TET3: variants seen among roughly 807,000 people sequenced by gnomAD.
TET3 encodes the protein tet methylcytosine dioxygenase 3.
A neutral mutation model predicts 141.4 loss-of-function variants in TET3; 19 were observed. The ratio of observed to expected loss-of-function variants is 0.13; its 90% CI spans 0.09 to 0.20. TET3 has a LOEUF of 0.20. Ranked by LOEUF, TET3 falls within the 10% of genes least tolerant of loss-of-function variation. The probability of loss-of-function intolerance (pLI) is 1.00; values close to 1 mark genes in which losing one functional copy is unlikely to be tolerated. For synonymous variants in TET3, 1,043 were observed against 980.9 expected, an observed-to-expected ratio of 1.06 and a Z score of -1.18; for missense variants, 1,874 against 2,356.9, an observed-to-expected ratio of 0.80 and a Z score of 4.24.
the TET3 span, among the ~76,000 whole-genome samples, chr2:74,122,677 CT>C: frequency 0.094 from 3,966 of 42,392 alleles, 149 homozygotes; most frequent in East Asian, 0.22. Context: ...CTACACCTAG[CT>C]TTTTTTTTTT....
At chr2:73,997,584 T>A (rs544067099) in intron 2 of TET3, among the ~76,000 whole-genome samples, 1 of 152,228 alleles carries the variant, frequency 6.6e-6, no homozygotes, top group East Asian at 1.9e-4. Context: ...TCCTGGTGTA[T>A]CCTGGGTCCC....
At chr2:74,053,374 G>A (rs1260333122) in intron 4 of TET3, among the ~76,000 whole-genome samples, 2 of 152,192 alleles carry the variant, frequency 1.3e-5, no homozygotes, top group Non-Finnish European at 2.9e-5. Flanking sequence ...AGCCAGTTTA[G>A]GACGGAGAAT....
At chr2:74,038,668 C>T (rs1037837826) in intron 3 of TET3, among the ~76,000 whole-genome samples, 1 of 152,162 alleles carries the variant, frequency 6.6e-6, no homozygotes, top group African/African-American at 2.4e-5. Flanking sequence ...GGTGATGAGG[C>T]TTGCACCAGC....
chr2:74,047,405 T>C lies in TET3; in HGVS notation c.1488T>C (p.Ser496=), dbSNP rs1687691861. The change falls in exon 4 of 12, where the codon TCT becomes TCC. Residue 496 remains serine (S), a synonymous_variant. Transcript: ENST00000409262. The part of the protein sequence containing the change: ...TKPKVKVEAP[S]SSPAPAPSPV... ...CCAAGGTCAAGGTGGAGGCACCCTC[T>C]TCCTCCCCGGCCCCGGCCCCATCCC... The C allele has an allele frequency of 1.2e-6, 2 of 1,613,314 alleles. No individual in the cohort carries two copies. The highest frequency in any genetic ancestry group is 1.7e-6 in the Non-Finnish European group (2 of 1,179,794).
chr2:74,032,954 T>A (rs1410555151), intron 3 of TET3, among the ~76,000 whole-genome samples: 1 of 152,234 alleles, frequency 6.6e-6, no homozygotes, highest in Non-Finnish European at 1.5e-5. Context: ...ACTAGGCTTA[T>A]CTTCACCTTC....
chr2:73,984,031 C>T (rs1683874917), upstream of TET3, among the ~76,000 whole-genome samples: 1 of 152,256 alleles, frequency 6.6e-6, no homozygotes, highest in Non-Finnish European at 1.5e-5. This position sits in a 1 kb window ranked among gnomAD's most constrained non-coding sequence, Gnocchi z 5.6. Context: ...TATTCCTGAG[C>T]CCTGCCCCTT....
At chr2:74,081,317 C>G (rs1278311088) in intron 6 of TET3, among the ~76,000 whole-genome samples, 1 of 152,224 alleles carries the variant, frequency 6.6e-6, no homozygotes, top group Non-Finnish European at 1.5e-5. Context: ...AGCCAGGTTC[C>G]TCGGGTGCCT....
the TET3 span, among the ~76,000 whole-genome samples, chr2:74,123,831 C>T: frequency 3.7e-3 from 563 of 151,898 alleles, 4 homozygotes; most frequent in Middle Eastern, 3.4e-3. Flanking sequence ...TCTGCCCGGC[C>T]GCCCATCGTC....
chr2:74,129,864 T>G, the TET3 span, among the ~76,000 whole-genome samples: 1 of 151,596 alleles, frequency 6.6e-6, no homozygotes, highest in South Asian at 2.1e-4. Context: ...GAGGCCGAGG[T>G]GGACGGATTA....
chr2:74,075,347 T>TG (rs1689445519), intron 5 of TET3, among the ~76,000 whole-genome samples: 1 of 145,270 alleles, frequency 6.9e-6, no homozygotes, highest in African/African-American at 2.6e-5. Flanking sequence ...TTTTTTTTTT[T>TG]GAGACGGAAT....
At chr2:74,053,699 G>A (rs953350703) in intron 4 of TET3, among the ~76,000 whole-genome samples, 5 of 152,186 alleles carry the variant, frequency 3.3e-5, no homozygotes, top group Admixed American at 1.3e-4. Flanking sequence ...ATTGTCCAGC[G>A]AATGTGGCTG....
At chr2:73,995,117 G>A (rs184262928) in intron 2 of TET3, among the ~76,000 whole-genome samples, 91 of 151,764 alleles carry the variant, frequency 6.0e-4, no homozygotes, top group African/African-American at 2.0e-3. Context: ...ACACCACCAC[G>A]TCTGGCTAAT....
intron 3 of TET3, among the ~76,000 whole-genome samples, chr2:74,028,187 T>C (rs1272482725): frequency 6.6e-6 from 1 of 151,918 alleles, no homozygotes. Context: ...GCAGGGGTCT[T>C]GCTTTGTTGC....
At chr2:74,034,247 G>GT (rs71406852) in intron 3 of TET3, among the ~76,000 whole-genome samples, 22,922 of 143,650 alleles carry the variant, frequency 0.16, 2,056 homozygotes, top group Non-Finnish European at 0.22. Context: ...CTGTATTATA[G>GT]TTTTTTTTTT....
At chr2:74,072,052 A>G (rs1462081635) in intron 4 of TET3, among the ~76,000 whole-genome samples, 1 of 152,182 alleles carries the variant, frequency 6.6e-6, no homozygotes, top group Non-Finnish European at 1.5e-5. Context: ...ATGATTCCAA[A>G]AAAACACCGT....
chr2:74,092,671 G>A (rs1230987118), intron 8 of TET3, among the ~76,000 whole-genome samples: 3 of 152,184 alleles, frequency 2.0e-5, no homozygotes, highest in African/African-American at 7.2e-5. Context: ...CAGTCAGGAT[G>A]ACTAGACCTT....
Position 74,100,957 on chromosome 2 carries a change from A to T in TET3, c.4169A>T (p.Asn1390Ile). 6.2e-7 allele frequency: 1 copy of T among 1,611,496 alleles called. No homozygotes were observed. Among genetic ancestry groups the T allele is most frequent in the Non-Finnish European group, 8.5e-7 (1 of 1,178,934 alleles). The change falls in exon 12 of 12, where the codon AAC becomes ATC. Residue 1390 changes from asparagine to isoleucine, a missense_variant. This residue lies in a region of TET3 where 602 missense variants were observed against 590.2 expected (regional missense o/e 1.02). Coordinates refer to ENST00000409262, the MANE Select transcript of TET3 (RefSeq NM_001287491.2). ...CCCTCCCCCTTTGCCCAGAGCTCCA[A>T]CTGCTACAACAGATCCATCAAGCAA... ...RDPSPFAQSS[N>I]CYNRSIKQEP...
intron 4 of TET3, among the ~76,000 whole-genome samples, chr2:74,067,916 C>T (rs1297983171): frequency 1.3e-5 from 2 of 152,178 alleles, no homozygotes; most frequent in African/African-American, 4.8e-5. Flanking sequence ...AATTTAGATT[C>T]TGTCTTCTGT....
At chr2:74,090,291 T>TCGAAGATACTCCAAATATCGAA (rs1690407000) in intron 8 of TET3, among the ~76,000 whole-genome samples, 5 of 152,218 alleles carry the variant, frequency 3.3e-5, no homozygotes, top group Admixed American at 6.5e-5. Context: ...AACCATCTCT[T>TCGAAGATACTCCAAATATCGAA]TTAGGTAAAT....
Sources: gnomAD v4.1 joint callset for allele counts (sites outside exome capture counted in the v4.1 genomes callset) on GRCh38, gnomAD v4.1.1 for gene constraint, gnomAD v4.1.1 regional missense constraint, Gnocchi (gnomAD v3.1) non-coding constraint, MANE v1.5 for transcripts, NCBI Gene and HGNC (gene_info 2026-07-23, HGNC 2026-07-21) for gene names.